TEP1: variants seen among roughly 807,000 people sequenced by gnomAD.
TEP1 encodes telomerase protein component 1.
In TEP1, 241 loss-of-function variants were observed where a neutral mutation model predicts 306.3. That is an observed-to-expected ratio of 0.79 (90% CI 0.71 to 0.88). The LOEUF is 0.88. TEP1 is among the 40% of genes least tolerant of loss of function. The probability of loss-of-function intolerance (pLI) is 0.00; values close to 1 mark genes in which losing one functional copy is unlikely to be tolerated. For missense variants in TEP1, 3,051 were observed against 3,276.1 expected, an observed-to-expected ratio of 0.93 and a Z score of 1.68; for synonymous variants, 1,289 against 1,305.5, an observed-to-expected ratio of 0.99 and a Z score of 0.27.
At position 20,371,324 on chromosome 14, in the gene TEP1, G is replaced by A. The variant is rs1399657101; in HGVS notation, c.7221-10C>T. ...TTCTGTATAGCTGCTCCTGGTTTGTGAGAAAGGAATAGGTTGAGCTCAGGA... is the reference window on the plus strand; with the variant it reads ...TTCTGTATAGCTGCTCCTGGTTTGTAAGAAAGGAATAGGTTGAGCTCAGGA... On this transcript the variant is annotated splice_polypyrimidine_tract_variant and intron_variant, in intron 50 of 54. Coordinates refer to ENST00000262715, the MANE Select transcript of TEP1 (RefSeq NM_007110.5). The A allele has an allele frequency of 2.5e-6, 4 of 1,612,666 alleles. No individual in the cohort carries two copies. The highest frequency in any genetic ancestry group is 2.7e-5 in the African/African-American group (2 of 74,886).
rs1310111718 is a variant in TEP1 at position 20,373,139 on chromosome 14, A to G, written c.6823T>C (p.Cys2275Arg). 1.2e-6 allele frequency: 2 copies of G among 1,614,192 alleles called. No homozygotes were observed. The highest frequency in any genetic ancestry group is 1.7e-6 in the Non-Finnish European group (2 of 1,180,042). ...ACGGCTGCAGAACTCCTTGGTATAC[A>G]TGTGTCATCTGGAGGAGAAAGGACG... ...WQVPKEADDT[C>R]IPRSSAAVTA... Residue 2275 changes from cysteine to arginine, a missense_variant, in exon 48 of 55, where the codon TGT becomes CGT. Coordinates refer to ENST00000262715, the MANE Select transcript of TEP1 (RefSeq NM_007110.5).
rs115406424 is a variant in TEP1 at position 20,380,166 on chromosome 14, C to G, written c.5003+69G>C. 2.2e-3 allele frequency: 3,565 copies of G among 1,584,690 alleles called. 71 individuals are homozygous for G. The African/African-American group carries it at 0.041, about 18-fold the overall frequency. On this transcript the variant is annotated intron_variant, in intron 34 of 54. Coordinates refer to ENST00000262715, the MANE Select transcript of TEP1 (RefSeq NM_007110.5). ...TCCAGTGTTTCTGGTCATCCTTATT[C>G]CTCAGTTTCAGAAAGAGCTGCAGCT...
chr14:20,403,960 G>A (rs1215259263), intron 5 of TEP1, 76 bp from the exon 6 acceptor site: 48 of 1,586,930 alleles, frequency 3.0e-5, no homozygotes, highest in Non-Finnish European at 4.0e-5. Flanking sequence ...ATCACTTCAT[G>A]GAGATACACG....
rs546437049 is a variant in TEP1 at position 20,385,828 on chromosome 14, C to G, written c.2982+247G>C. Among the ~76,000 whole-genome samples the G allele has an allele frequency of 2.0e-5, 3 of 152,362 alleles. No homozygotes were observed. In the East Asian group the frequency reaches 5.8e-4, roughly 29 times the overall value. ...AAGGGAGATCAGTACCCAGATCTAT[C>G]TGATGGCAACACCTAAGCAGACCCA... On this transcript the variant is annotated intron_variant, in intron 20 of 54. Coordinates refer to ENST00000262715, the MANE Select transcript of TEP1 (RefSeq NM_007110.5).
At position 20,395,437 on chromosome 14, in the gene TEP1, A is replaced by G. The variant is rs773263429; in HGVS notation, c.1928+13T>C. 1 of 1,562,422 alleles carries G rather than the reference A, an allele frequency of 6.4e-7. No individual in the cohort carries two copies. Among genetic ancestry groups the G allele is most frequent in the Non-Finnish European group, 8.8e-7 (1 of 1,142,736 alleles). Reference sequence around the variant, plus strand: ...GATTGCCCACCCTTGGCTCCCAGACAGTGCATACATACCTGGCCTTGTGTA... The same window carrying G: ...GATTGCCCACCCTTGGCTCCCAGACGGTGCATACATACCTGGCCTTGTGTA... On this transcript the variant is annotated intron_variant, in intron 12 of 54. Coordinates refer to ENST00000262715, the MANE Select transcript of TEP1 (RefSeq NM_007110.5).
At chr14:20,369,008 TTC>T in intron 53 of TEP1, 106 bp from the exon 54 acceptor site, 1 of 813,400 alleles carries the variant, frequency 1.2e-6, no homozygotes. Flanking sequence ...CCCTTAGTAT[TTC>T]TTTTTTTTTT....
chr14:20,373,471 C>G (rs1200073304), intron 46 of TEP1, 36 bp downstream of exon 46: 2 of 1,614,022 alleles, frequency 1.2e-6, no homozygotes, highest in Admixed American at 3.3e-5. Context: ...CATACCTTCC[C>G]CACCTCCCTT....
Position 20,381,251 on chromosome 14 carries a change from G to A in TEP1, c.4647+62C>T. On this transcript the variant is annotated intron_variant, in intron 32 of 54. Coordinates refer to ENST00000262715, the MANE Select transcript of TEP1 (RefSeq NM_007110.5). This position sits in a 1 kb window ranked among gnomAD's most constrained non-coding sequence, Gnocchi z 4.0. ...ATGGTGGAGATGGTAACGGGGAGAG[G>A]GGTCTCAGAGCAACCAAAGCACTCA... The A allele has an allele frequency of 6.6e-7, 1 of 1,518,238 alleles. No homozygotes were observed. 94.0% of individuals were successfully genotyped at this position (1,518,238 alleles called of 1,614,324 possible). A position where few individuals can be genotyped will look rare whatever the true frequency, so the allele number is the denominator to read the frequency against.
rs986685816 is a variant in TEP1, at chr14:20,408,254, T to C, written c.186A>G (p.Glu62=). The C allele has an allele frequency of 6.2e-7, 1 of 1,613,290 alleles. No individual in the cohort carries two copies. Residue 62 remains glutamate (E), a synonymous_variant, in exon 2 of 55, where the codon GAA becomes GAG. Transcript: ENST00000262715. The stretch of plus-strand genomic sequence containing the variant: ...GGGCAGACACATATCCATGTGGTTT[T>C]TCCATGGTCTTCAGGTCAGGAAGCG... ...LATLPDLKTM[E]KPHGYVSAHP... is the part of the protein sequence containing the mutation.
In TEP1 at chr14:20,372,945, C is replaced by T. The variant is rs78793842; in HGVS notation, c.6951+66G>A. The T allele has an allele frequency of 2.2e-3, 3,534 of 1,613,526 alleles. 79 individuals carry two copies. In the African/African-American group the frequency reaches 0.04, roughly 18 times the overall value. Reference sequence around the variant, plus strand: ...TCCCAGGCACATATGCAACCTCTAACGCCCAGTAAATACACAGCCAGGGTA... The same window carrying T: ...TCCCAGGCACATATGCAACCTCTAATGCCCAGTAAATACACAGCCAGGGTA... On this transcript the variant is annotated intron_variant, in intron 48 of 54. Coordinates refer to ENST00000262715, the MANE Select transcript of TEP1 (RefSeq NM_007110.5).
chr14:20,372,230 A>G (rs1034338505), intron 49 of TEP1, among the ~76,000 whole-genome samples: 8 of 152,174 alleles, frequency 5.3e-5, no homozygotes, highest in Admixed American at 2.0e-4. Flanking sequence ...TCTTCTGTAC[A>G]TGTTCCTTCC....
intron 17 of TEP1, 32 bp downstream of exon 17, chr14:20,389,194 TTCCAACAAAGTA>T (rs1877489017): frequency 6.3e-7 from 1 of 1,587,678 alleles, no homozygotes; most frequent in African/African-American, 1.3e-5. Context: ...CCTAAAAACT[TTCCAACAAAGTA>T]TCCAACCCTT....
In TEP1 at chr14:20,391,694, TCA is replaced by T; in HGVS notation, c.2000_2001del (p.Val667GlufsTer20). The T allele has an allele frequency of 6.2e-7, 1 of 1,614,214 alleles. No individual in the cohort carries two copies. The highest frequency in any genetic ancestry group is 2.2e-5 in the East Asian group (1 of 44,882). On this transcript the variant is annotated frameshift_variant, in exon 13 of 55. Transcript: ENST00000262715. LOFTEE classifies it high-confidence loss of function. ...CCTGGCAGCAGGGGCAGGCTGTGCT[TCA>T]CAGAGAGGTTCACAGCTGTCTCTAG... is the stretch of plus-strand genomic sequence containing the variant. ...QALETAVNLS[V>X]KHSLPLLPGR...
rs767045035 is a variant in TEP1, at chr14:20,373,164, G to A, written c.6815-17C>T. On this transcript the variant is annotated splice_polypyrimidine_tract_variant and intron_variant, in intron 47 of 54. Transcript: ENST00000262715. ...ATGTGTCATCTGGAGGAGAAAGGAC[G>A]TGTTTCATTAGGAGCTGGGATACTG... The A allele has an allele frequency of 3.9e-5, 63 of 1,614,012 alleles. 1 individual carries two copies. The East Asian group carries it at 5.8e-4, about 15-fold the overall frequency.
intron 41 of TEP1, among the ~76,000 whole-genome samples, chr14:20,376,948 G>A (rs946497836): frequency 6.6e-6 from 1 of 152,206 alleles, no homozygotes; most frequent in Non-Finnish European, 1.5e-5. Context: ...AGGCGCAATG[G>A]CTCACGTCTG....
At chr14:20,411,582 C>T (rs922064043) in intron 1 of TEP1, among the ~76,000 whole-genome samples, 1 of 152,058 alleles carries the variant, frequency 6.6e-6, no homozygotes, top group African/African-American at 2.4e-5. Context: ...CCATTAAGTT[C>T]CTGAGGAGAG....
chr14:20,396,560 T>C, intron 10 of TEP1, 61 bp downstream of exon 10: 1 of 1,424,586 alleles, frequency 7.0e-7, no homozygotes. Flanking sequence ...AAAGCAGCAG[T>C]GGCCTCTCCA....
chr14:20,398,297 G>C (rs906519157), intron 9 of TEP1, among the ~76,000 whole-genome samples: 2 of 150,476 alleles, frequency 1.3e-5, no homozygotes, highest in African/African-American at 4.9e-5. Flanking sequence ...AGAATCACTT[G>C]AACCTGGGAG....
intron 17 of TEP1, 64 bp from the exon 18 acceptor site, chr14:20,388,127 G>T: frequency 6.4e-7 from 1 of 1,571,974 alleles, no homozygotes; most frequent in Non-Finnish European, 8.7e-7. Flanking sequence ...GAGGTCTTCC[G>T]AAAAGGGCAG....
Sources: gnomAD v4.1 joint callset for allele counts (sites outside exome capture counted in the v4.1 genomes callset) on GRCh38, gnomAD v4.1.1 for gene constraint, Gnocchi (gnomAD v3.1) non-coding constraint, MANE v1.5 for transcripts, NCBI Gene and HGNC (gene_info 2026-07-23, HGNC 2026-07-21) for gene names.